Variants in XIAP observed in about 807,000 individuals in gnomAD.
XIAP encodes the protein X-linked inhibitor of apoptosis, also known as E3 ubiquitin-protein ligase XIAP.
In XIAP, 3 loss-of-function variants were observed where a neutral mutation model predicts 33.1. The observed-to-expected ratio is 0.09, with a 90% CI of 0.04 to 0.23. XIAP has a LOEUF of 0.23. Ranked by LOEUF, XIAP falls within the 10% of genes least tolerant of loss-of-function variation. The probability of loss-of-function intolerance (pLI) is 1.00; values close to 1 mark genes in which losing one functional copy is unlikely to be tolerated. For synonymous variants in XIAP, 98 were observed against 121.3 expected (o/e 0.81, Z 1.26); for missense variants, 264 against 363.0 (o/e 0.73, Z 2.22).
chrX:123,885,969 A>G lies in XIAP; in HGVS notation c.307A>G (p.Thr103Ala). The change falls in exon 2 of 7, where the codon ACG (threonine) becomes GCG (alanine). Residue 103 changes from threonine to alanine, a missense_variant. By Grantham distance (58) the Thr-to-Ala change is moderately conservative (BLOSUM62 0). Transcript: ENST00000371199. ...INGFYLENSA[T>A]QSTNSGIQNG... ...CGGCTTTTATCTTGAAAATAGTGCC[A>G]CGCAGTCTACAAATTCTGGTATCCA... 1 of 1,211,933 alleles carries G rather than the reference A, an allele frequency of 8.3e-7. No individual in the cohort carries two copies. The highest frequency in any genetic ancestry group is 1.1e-6 in the Non-Finnish European group (1 of 895,583).
chrX:123,908,995 T>G lies in XIAP; in HGVS notation c.*1814T>G, dbSNP rs1381209528. The G allele has an allele frequency of 6.4e-6, 2 of 313,353 alleles. No individual in the cohort carries two copies. The highest frequency in any genetic ancestry group is 1.2e-5 in the Non-Finnish European group (2 of 167,703). 25.8% of individuals were successfully genotyped at this position (313,353 alleles called of 1,213,427 possible). ...AACTTCTGTTGATTACTACTTTAAG[T>G]GATATTCATTTAAAACATTGCAAAT... On this transcript the variant is annotated 3_prime_UTR_variant, in exon 7 of 7. Coordinates refer to ENST00000371199, the MANE Select transcript of XIAP (RefSeq NM_001167.4).
In XIAP at chrX:123,900,857, A is replaced by G. The variant is rs140997240; in HGVS notation, c.1300+164A>G. On this transcript the variant is annotated intron_variant, in intron 6 of 6. Coordinates refer to ENST00000371199, the MANE Select transcript of XIAP (RefSeq NM_001167.4). Reference sequence around the variant, plus strand: ...TCAAGCTGCTATAATAAAATTCCATAGACTAGGTGTCTTAAACAACAGACT... The same window carrying G: ...TCAAGCTGCTATAATAAAATTCCATGGACTAGGTGTCTTAAACAACAGACT... Among the ~76,000 whole-genome samples the G allele has an allele frequency of 7.9e-4, 89 of 112,138 alleles. No homozygotes were observed. In the East Asian group the frequency reaches 0.024, roughly 30 times the overall value.
At chrX:123,875,263 C>T (rs188651266) in intron 1 of XIAP, among the ~76,000 whole-genome samples, 1,196 of 110,320 alleles carry the variant, frequency 0.011, 14 homozygotes, top group African/African-American at 0.038. Flanking sequence ...TCAGGTGATC[C>T]GCCTGCCTTG....
chrX:123,909,963 T>C lies in XIAP; in HGVS notation c.*2782T>C, dbSNP rs1352387605. The C allele has an allele frequency of 3.1e-6, 1 of 327,780 alleles. No individual in the cohort carries two copies. The highest frequency in any genetic ancestry group is 5.9e-6 in the Non-Finnish European group (1 of 169,704). The allele number at this position is 327,780 out of a possible 1,213,427, so 27.0% of individuals were successfully genotyped here. ...AAACTATAGCCATATCCAAATCTTTTCCCCCTCCCAAGAGTTCTCAGTGTC... is the reference window on the plus strand; with the variant it reads ...AAACTATAGCCATATCCAAATCTTTCCCCCCTCCCAAGAGTTCTCAGTGTC... On this transcript the variant is annotated 3_prime_UTR_variant, in exon 7 of 7. Coordinates refer to ENST00000371199, the MANE Select transcript of XIAP (RefSeq NM_001167.4).
intron 6 of XIAP, among the ~76,000 whole-genome samples, chrX:123,901,078 T>TGG (rs3831881): frequency 6.3e-5 from 7 of 110,848 alleles, no homozygotes; most frequent in East Asian, 5.8e-4. Context: ...AATCCCATCA[T>TGG]GGGGGGGTCT....
In XIAP at chrX:123,879,461, C is replaced by T. The variant is rs764463359; in HGVS notation, c.-32-6170C>T. Among the ~76,000 whole-genome samples, 7 of 107,429 alleles carry T rather than the reference C, an allele frequency of 6.5e-5. No individual in the cohort carries two copies. In the South Asian group the frequency reaches 3.0e-3, roughly 46 times the overall value. The allele number at this position is 107,429 out of a possible 115,157, so 93.3% of individuals were successfully genotyped here. ...CCTCCCGAGTAGCTGGGACTACAGG[C>T]GCCCGCCACCATCCCAGCTAATTTT... On this transcript the variant is annotated intron_variant, in intron 1 of 6. Transcript: ENST00000371199.
chrX:123,884,546 C>G (rs916371648), intron 1 of XIAP, among the ~76,000 whole-genome samples: 1 of 110,944 alleles, frequency 9.0e-6, no homozygotes, highest in Non-Finnish European at 1.9e-5. Context: ...TTACCATTCT[C>G]TTATTTTGCC....
intron 1 of XIAP, among the ~76,000 whole-genome samples, chrX:123,862,615 C>T (rs1342136684): frequency 1.1e-5 from 1 of 89,739 alleles, no homozygotes; most frequent in Non-Finnish European, 2.2e-5. Flanking sequence ...AATCCCAGCA[C>T]TTTGGGACGC....
chrX:123,897,072 C>A (rs1895658045), intron 5 of XIAP, among the ~76,000 whole-genome samples: 1 of 108,522 alleles, frequency 9.2e-6, no homozygotes, highest in Non-Finnish European at 1.9e-5. Flanking sequence ...GCTGGGATTA[C>A]AGGCGTGCAC....
chrX:123,892,083 G>A (rs1002224237), intron 4 of XIAP, among the ~76,000 whole-genome samples: 6 of 111,131 alleles, frequency 5.4e-5, no homozygotes, highest in African/African-American at 1.6e-4. Context: ...GATAGGATGG[G>A]CGCTGGGCAC....
chrX:123,886,422 A>C lies in XIAP; in HGVS notation c.760A>C (p.Thr254Pro). Residue 254 changes from threonine to proline, a missense_variant, in exon 2 of 7, where the codon ACA becomes CCA. By Grantham distance (38) the Thr-to-Pro change is conservative (BLOSUM62 -1). Coordinates refer to ENST00000371199, the MANE Select transcript of XIAP (RefSeq NM_001167.4). Reference protein sequence around the residue: ...VSSDRNFPNSTNLPRNPSMAD... With the variant: ...VSSDRNFPNSPNLPRNPSMAD... ...TTCTGATAGGAATTTCCCAAATTCA[A>C]CAAATCTTCCAAGAAATCCATCCAT... is the stretch of plus-strand genomic sequence containing the variant. 3 of 1,211,801 alleles carry C rather than the reference A, an allele frequency of 2.5e-6. No individual in the cohort carries two copies. Among genetic ancestry groups the C allele is most frequent in the Non-Finnish European group, 3.3e-6 (3 of 895,647 alleles).
In XIAP at chrX:123,885,697, G is replaced by C; in HGVS notation, c.35G>C (p.Cys12Ser). 1 of 1,210,718 alleles carries C rather than the reference G, an allele frequency of 8.3e-7. No homozygotes were observed. Among genetic ancestry groups the C allele is most frequent in the African/African-American group, 1.7e-5 (1 of 57,868 alleles). Residue 12 changes from cysteine to serine, a missense_variant, in exon 2 of 7, where the codon TGT (cysteine) becomes TCT (serine). Coordinates refer to ENST00000371199, the MANE Select transcript of XIAP (RefSeq NM_001167.4). The stretch of plus-strand genomic sequence containing the variant: ...AACAGTTTTGAAGGATCTAAAACTT[G>C]TGTACCTGCAGACATCAATAAGGAA... ...TFNSFEGSKT[C>S]VPADINKEEE...
At chrX:123,891,843 A>G (rs916872616) in intron 4 of XIAP, among the ~76,000 whole-genome samples, 19 of 107,904 alleles carry the variant, frequency 1.8e-4, no homozygotes, top group South Asian at 1.6e-3. Context: ...AAAAAAAAAA[A>G]AGAGAGAGCC....
At chrX:123,861,492 C>A (rs1385010819) in intron 1 of XIAP, among the ~76,000 whole-genome samples, 1 of 110,519 alleles carries the variant, frequency 9.0e-6, no homozygotes, top group South Asian at 3.8e-4. Flanking sequence ...TTCACATGTA[C>A]GTGTGTATAC....
At chrX:123,888,817 C>T in intron 3 of XIAP, 99 bp downstream of exon 3, 1 of 715,271 alleles carries the variant, frequency 1.4e-6, no homozygotes, top group Non-Finnish European at 2.2e-6. Context: ...TTCACTATGG[C>T]TTGAAATTCA....
In XIAP at chrX:123,907,327, G is replaced by A; in HGVS notation, c.*146G>A. On this transcript the variant is annotated 3_prime_UTR_variant, in exon 7 of 7. Coordinates refer to ENST00000371199, the MANE Select transcript of XIAP (RefSeq NM_001167.4). ...AATGTACATGGCAGTGTTTTAGTTG[G>A]CAATATAATCTTTGAATTTCTTGAT... 5.4e-6 allele frequency: 3 copies of A among 556,144 alleles called. No individual in the cohort carries two copies. Among genetic ancestry groups the A allele is most frequent in the Non-Finnish European group, 9.2e-6 (3 of 325,598 alleles). 45.8% of individuals were successfully genotyped at this position (556,144 alleles called of 1,213,427 possible). A position where few individuals can be genotyped will look rare whatever the true frequency, so the allele number is the denominator to read the frequency against.
intron 5 of XIAP, among the ~76,000 whole-genome samples, chrX:123,894,523 C>T (rs1356763362): frequency 8.9e-6 from 1 of 111,958 alleles, no homozygotes; most frequent in Non-Finnish European, 1.9e-5. Context: ...AATCCCAGCA[C>T]TTTGGGAGGC....
intron 1 of XIAP, among the ~76,000 whole-genome samples, chrX:123,870,857 C>G (rs1048849068): frequency 2.7e-4 from 30 of 111,964 alleles, no homozygotes; most frequent in African/African-American, 8.7e-4. Flanking sequence ...GAATACTTCA[C>G]TCTGAGGTGA....
chrX:123,875,040 GAGA>G (rs2053231655), intron 1 of XIAP, among the ~76,000 whole-genome samples: 1 of 65,868 alleles, frequency 1.5e-5, no homozygotes, highest in South Asian at 7.3e-4. Flanking sequence ...TTTTTTTTTT[GAGA>G]TGGAGTTTCC....
Sources: allele counts gnomAD v4.1 joint callset (sites outside exome capture counted in the v4.1 genomes callset), GRCh38; gene constraint gnomAD v4.1.1; transcripts MANE v1.5; gene names NCBI Gene and HGNC (gene_info 2026-07-23, HGNC 2026-07-21).